FAM135B: variants seen among roughly 807,000 people sequenced by gnomAD.
The protein encoded by FAM135B is family with sequence similarity 135 member B.
Under a neutral mutation model 127.7 loss-of-function variants are expected in FAM135B, and 43 were observed. The observed-to-expected ratio is 0.34, with a 90% CI of 0.26 to 0.43. FAM135B has a LOEUF of 0.43. Ranked by LOEUF, FAM135B falls within the 20% of genes least tolerant of loss-of-function variation. FAM135B has a pLI of 1.00. For synonymous variants in FAM135B, 670 were observed against 665.1 expected (o/e 1.01, Z -0.11); for missense variants, 1,558 against 1,725.6 (o/e 0.90, Z 1.72).
intron 1 of FAM135B, among the ~76,000 whole-genome samples, chr8:138,402,178 G>C (rs1178075529): frequency 6.7e-6 from 1 of 149,890 alleles, no homozygotes; most frequent in Non-Finnish European, 1.5e-5. Flanking sequence ...GAAATCCGCA[G>C]ACTCAGCAGT....
At chr8:138,300,052 C>T (rs746374322) in intron 3 of FAM135B, among the ~76,000 whole-genome samples, 21 of 152,046 alleles carry the variant, frequency 1.4e-4, no homozygotes, top group Non-Finnish European at 2.5e-4. Flanking sequence ...ACTGCAGCCT[C>T]CACATCCCGG....
chr8:138,383,800 A>AT (rs1832016912), intron 1 of FAM135B, among the ~76,000 whole-genome samples: 1 of 152,098 alleles, frequency 6.6e-6, no homozygotes. Flanking sequence ...CTCCCTGACC[A>AT]TTGCTGTATA....
Position 138,151,248 on chromosome 8 carries a change from A to G in FAM135B, c.3227T>C (p.Val1076Ala). 1.9e-6 allele frequency: 3 copies of G among 1,604,174 alleles called. No homozygotes were observed. The highest frequency in any genetic ancestry group is 1.7e-4 in the Middle Eastern group (1 of 5,966). Residue 1076 changes from valine (V) to alanine (A), a missense_variant, in exon 13 of 20, where the codon GTT becomes GCT. By Grantham distance (64) the Val-to-Ala change is moderately conservative. Coordinates refer to ENST00000395297, the MANE Select transcript of FAM135B (RefSeq NM_015912.4). ...ITHQPLGSFG[V>A]VSTHSSTLDE... ...CAACGTGCTGGAATGGGTAGAAACA[A>G]CTCCAAAGGATCCCAAAGGCTGATG...
intron 15 of FAM135B, among the ~76,000 whole-genome samples, chr8:138,143,460 C>T (rs1817389688): frequency 6.6e-6 from 1 of 152,132 alleles, no homozygotes. Context: ...GGGAGGCCGC[C>T]TATTCACCTC....
intron 3 of FAM135B, among the ~76,000 whole-genome samples, chr8:138,289,544 G>A (rs1277425992): frequency 1.3e-5 from 2 of 152,324 alleles, no homozygotes; most frequent in African/African-American, 2.4e-5. Flanking sequence ...CCCGCTTAGC[G>A]CAAGGAGGAA....
chr8:138,130,838 C>T lies in FAM135B; in HGVS notation c.*1755G>A, dbSNP rs1469492883. On this transcript the variant is annotated 3_prime_UTR_variant, in exon 20 of 20. Coordinates refer to ENST00000395297, the MANE Select transcript of FAM135B (RefSeq NM_015912.4). ...TGACTCGGGAGCTCAGATAAAAATC[C>T]CCAGTGGAAAGTGACCAGAGGACTC... is the stretch of plus-strand genomic sequence containing the variant. The T allele has an allele frequency of 6.6e-6, 1 of 152,182 alleles. No homozygotes were observed. Among genetic ancestry groups the T allele is most frequent in the African/African-American group, 2.4e-5 (1 of 41,426 alleles). 9.4% of individuals were successfully genotyped at this position (152,182 alleles called of 1,614,324 possible).
Position 138,146,052 on chromosome 8 carries a change from TA to T in FAM135B, c.3449-3del. On this transcript the variant is annotated splice_polypyrimidine_tract_variant and splice_region_variant and intron_variant, in intron 14 of 19. Coordinates refer to ENST00000395297, the MANE Select transcript of FAM135B (RefSeq NM_015912.4). ...CCAGCCGGAGGTCTGCACTGTTCCC[TA>T]AAAATGACAGATAACCCCCATCCCA... 1 of 1,568,948 alleles carries T rather than the reference TA, an allele frequency of 6.4e-7. No individual in the cohort carries two copies. Among genetic ancestry groups the T allele is most frequent in the Non-Finnish European group, 8.8e-7 (1 of 1,141,130 alleles).
At chr8:138,395,359 T>C (rs1378762558) in intron 1 of FAM135B, among the ~76,000 whole-genome samples, 1 of 151,988 alleles carries the variant, frequency 6.6e-6, no homozygotes, top group Non-Finnish European at 1.5e-5. Context: ...TATGGAGGTC[T>C]TCTCCTAGTT....
At chr8:138,391,325 G>A (rs904306693) in intron 1 of FAM135B, among the ~76,000 whole-genome samples, 1 of 151,938 alleles carries the variant, frequency 6.6e-6, no homozygotes, top group African/African-American at 2.4e-5. Flanking sequence ...AGAGCCCCCA[G>A]GACTGGCCTC....
intron 3 of FAM135B, among the ~76,000 whole-genome samples, chr8:138,301,016 C>A (rs529903421): frequency 6.6e-6 from 1 of 152,134 alleles, no homozygotes; most frequent in South Asian, 2.1e-4. Flanking sequence ...TCCCAAAGTG[C>A]TGGGATTAAG....
intron 1 of FAM135B, among the ~76,000 whole-genome samples, chr8:138,426,010 T>TATATATATATATATAC (rs1563992442): frequency 6.2e-5 from 1 of 16,192 alleles, no homozygotes; most frequent in Non-Finnish European, 1.1e-4. Flanking sequence ...TATATATATA[T>TATATATATATATATAC]ATACACACAC....
intron 1 of FAM135B, among the ~76,000 whole-genome samples, chr8:138,459,851 A>T (rs1004036901): frequency 6.6e-6 from 1 of 152,152 alleles, no homozygotes; most frequent in African/African-American, 2.4e-5. Context: ...TAAAATAGAG[A>T]TTGGCCATGG....
chr8:138,480,662 A>G (rs1036294015), intron 1 of FAM135B, among the ~76,000 whole-genome samples: 1 of 152,240 alleles, frequency 6.6e-6, no homozygotes, highest in Non-Finnish European at 1.5e-5. Context: ...TAATGGAAGA[A>G]AGCCAACATG....
intron 9 of FAM135B, among the ~76,000 whole-genome samples, chr8:138,190,639 G>A (rs891125688): frequency 1.8e-4 from 27 of 152,136 alleles, no homozygotes; most frequent in African/African-American, 6.3e-4. Flanking sequence ...TTTTTCTGAT[G>A]TGGAAGAGAA....
chr8:138,466,859 C>G (rs76716644), intron 1 of FAM135B, among the ~76,000 whole-genome samples: 3,655 of 152,228 alleles, frequency 0.024, 120 homozygotes, highest in East Asian at 0.078. Context: ...AAGTATAGTG[C>G]AGCAAATTTA....
chr8:138,451,682 C>T (rs1457627648), intron 1 of FAM135B, among the ~76,000 whole-genome samples: 1 of 152,196 alleles, frequency 6.6e-6, no homozygotes, highest in Admixed American at 6.5e-5. Flanking sequence ...GTTTACTGAT[C>T]TTTAAATGAC....
intron 1 of FAM135B, among the ~76,000 whole-genome samples, chr8:138,408,284 C>T (rs1311548179): frequency 2.0e-5 from 3 of 152,186 alleles, no homozygotes; most frequent in Admixed American, 6.5e-5. Context: ...AGGGTAGCCA[C>T]CTTCATCAGT....
intron 1 of FAM135B, among the ~76,000 whole-genome samples, chr8:138,370,396 C>T (rs532628237): frequency 6.6e-6 from 1 of 152,024 alleles, no homozygotes; most frequent in African/African-American, 2.4e-5. Flanking sequence ...TAACCAAACA[C>T]CCATAATGCA....
chr8:138,286,182 A>C (rs1240439755), intron 3 of FAM135B, among the ~76,000 whole-genome samples: 1 of 152,240 alleles, frequency 6.6e-6, no homozygotes, highest in Non-Finnish European at 1.5e-5. Context: ...GTTATATAAC[A>C]ATAAAAATAG....
Sources: gnomAD v4.1 joint callset for allele counts (sites outside exome capture counted in the v4.1 genomes callset) on GRCh38, gnomAD v4.1.1 for gene constraint, MANE v1.5 for transcripts, NCBI Gene and HGNC (gene_info 2026-07-23, HGNC 2026-07-21) for gene names.